Variants in PTPRK observed in about 807,000 individuals in gnomAD.
PTPRK encodes the protein protein tyrosine phosphatase receptor type K.
PTPRK carries 75 observed loss-of-function variants against 178.0 expected under a neutral mutation model. That is an observed-to-expected ratio of 0.42 (90% CI 0.35 to 0.51). The LOEUF is 0.51. Among genes scored for constraint, PTPRK ranks in the 20% least tolerant of loss-of-function variants. The probability of loss-of-function intolerance (pLI) is 0.02; values close to 1 mark genes in which losing one functional copy is unlikely to be tolerated. For missense variants in PTPRK, 1,441 were observed against 1,797.8 expected (o/e 0.80, Z 3.59); for synonymous variants, 637 against 620.6 (o/e 1.03, Z -0.39).
chr6:127,988,133 AT>A (rs1259327812), intron 21 of PTPRK, among the ~76,000 whole-genome samples: 3 of 151,606 alleles, frequency 2.0e-5, no homozygotes, highest in Non-Finnish European at 4.4e-5. Flanking sequence ...CTTATTTTGA[AT>A]TTTTTCATGT....
At chr6:128,429,787 T>C (rs1844589285) in intron 1 of PTPRK, among the ~76,000 whole-genome samples, 2 of 152,172 alleles carry the variant, frequency 1.3e-5, no homozygotes, top group African/African-American at 4.8e-5. Context: ...CAGTGAGGTG[T>C]GCATTATTAA....
intron 7 of PTPRK, among the ~76,000 whole-genome samples, chr6:128,100,730 C>T (rs1028736007): frequency 6.6e-6 from 1 of 151,636 alleles, no homozygotes; most frequent in Non-Finnish European, 1.5e-5. Context: ...TGATATATAC[C>T]TAAATAATTC....
At chr6:128,459,080 A>G (rs1412837327) in intron 1 of PTPRK, among the ~76,000 whole-genome samples, 1 of 152,184 alleles carries the variant, frequency 6.6e-6, no homozygotes, top group Non-Finnish European at 1.5e-5. Flanking sequence ...ATTGCAAAGG[A>G]AGAAAAAGAT....
At chr6:127,999,705 C>T (rs1417004230) in intron 15 of PTPRK, among the ~76,000 whole-genome samples, 3 of 152,004 alleles carry the variant, frequency 2.0e-5, no homozygotes, top group Admixed American at 2.0e-4. Context: ...CATGTCATTT[C>T]ACTTGCTCTA....
intron 1 of PTPRK, among the ~76,000 whole-genome samples, chr6:128,400,082 G>A (rs1421621944): frequency 6.6e-6 from 1 of 152,136 alleles, no homozygotes; most frequent in African/African-American, 2.4e-5. Context: ...TGGAGTAGAT[G>A]ATAGGAAATG....
intron 1 of PTPRK, among the ~76,000 whole-genome samples, chr6:128,419,353 C>T (rs1843193294): frequency 6.6e-6 from 1 of 152,206 alleles, no homozygotes; most frequent in South Asian, 2.1e-4. Context: ...TGGCTCACGC[C>T]TGTAATCCCA....
At chr6:128,513,523 A>AAGAAAGAAAGAAAG in intron 1 of PTPRK, among the ~76,000 whole-genome samples, 1 of 151,504 alleles carries the variant, frequency 6.6e-6, no homozygotes, top group African/African-American at 2.4e-5. Flanking sequence ...GAAATAAAGA[A>AAGAAAGAAAGAAAG]AAAGAAAAAG....
intron 6 of PTPRK, among the ~76,000 whole-genome samples, chr6:128,191,043 G>T (rs548341795): frequency 2.0e-5 from 3 of 151,928 alleles, no homozygotes; most frequent in African/African-American, 7.3e-5. Flanking sequence ...CCATGCCTAT[G>T]CTTACAATAT....
In PTPRK at chr6:128,083,763, C is replaced by T; in HGVS notation, c.1527G>A (p.Leu509=). 1.2e-6 allele frequency: 2 copies of T among 1,606,680 alleles called. No homozygotes were observed. The highest frequency in any genetic ancestry group is 1.7e-6 in the Non-Finnish European group (2 of 1,175,892). ...QGTSFENKIF[L]NWKEPLDPNG... is the part of the protein sequence containing the mutation. The stretch of plus-strand genomic sequence containing the variant: ...TTGGATCCAAAGGTTCTTTCCAGTT[C>T]AAGAAGATCTTATTTTCAAAGGATG... The change falls in exon 9 of 30, where the codon TTG becomes TTA. Residue 509 remains leucine (L), a synonymous_variant. Coordinates refer to ENST00000368226, the MANE Select transcript of PTPRK (RefSeq NM_002844.4).
At chr6:128,476,257 A>G (rs992316119) in intron 1 of PTPRK, among the ~76,000 whole-genome samples, 9 of 151,706 alleles carry the variant, frequency 5.9e-5, no homozygotes, top group African/African-American at 2.2e-4. Context: ...GGACACACAT[A>G]CACACACACA....
At chr6:128,209,295 G>C (rs749846817) in intron 6 of PTPRK, among the ~76,000 whole-genome samples, 4 of 152,178 alleles carry the variant, frequency 2.6e-5, no homozygotes, top group Non-Finnish European at 4.4e-5. Context: ...CACTCAAATT[G>C]TTCCACAGTA....
At chr6:128,502,467 C>T (rs1045477886) in intron 1 of PTPRK, among the ~76,000 whole-genome samples, 4 of 152,162 alleles carry the variant, frequency 2.6e-5, no homozygotes, top group African/African-American at 9.7e-5. Flanking sequence ...GGTTTTCTTA[C>T]ACTAAACTGT....
chr6:127,984,894 A>C (rs1341814695), intron 22 of PTPRK, among the ~76,000 whole-genome samples: 1 of 152,108 alleles, frequency 6.6e-6, no homozygotes, highest in Non-Finnish European at 1.5e-5. Context: ...ATCCTATGGG[A>C]CGTTTTACCT....
chr6:128,361,979 T>C (rs1000706973), intron 2 of PTPRK, among the ~76,000 whole-genome samples: 2 of 152,190 alleles, frequency 1.3e-5, no homozygotes, highest in African/African-American at 4.8e-5. Context: ...TTTGCACTAA[T>C]ATAAATTTAT....
At chr6:128,274,956 T>C (rs1332356103) in intron 3 of PTPRK, among the ~76,000 whole-genome samples, 1 of 152,012 alleles carries the variant, frequency 6.6e-6, no homozygotes, top group African/African-American at 2.4e-5. Context: ...CACCTTATAA[T>C]AATATAATTC....
chr6:128,155,912 T>C (rs1187048823), intron 7 of PTPRK, among the ~76,000 whole-genome samples: 1 of 151,892 alleles, frequency 6.6e-6, no homozygotes, highest in Non-Finnish European at 1.5e-5. Context: ...GCAAGATCAG[T>C]AATAAAAATA....
intron 7 of PTPRK, among the ~76,000 whole-genome samples, chr6:128,128,109 C>T (rs1198990301): frequency 6.6e-6 from 1 of 152,140 alleles, no homozygotes. Context: ...TCAAAATACT[C>T]TTTCACTTAC....
intron 1 of PTPRK, among the ~76,000 whole-genome samples, chr6:128,432,302 C>T (rs1035822125): frequency 1.3e-5 from 2 of 152,196 alleles, no homozygotes; most frequent in Non-Finnish European, 2.9e-5. Context: ...ACAATTAAAT[C>T]TTTTAGGAAT....
intron 6 of PTPRK, among the ~76,000 whole-genome samples, chr6:128,194,067 TTATTATTA>T (rs1386802671): frequency 1.9e-4 from 13 of 68,860 alleles, no homozygotes; most frequent in Middle Eastern, 7.4e-3. Context: ...TATATATATA[TTATTATTA>T]TTATTATTAT....
Sources: allele counts gnomAD v4.1 joint callset (sites outside exome capture counted in the v4.1 genomes callset), GRCh38; gene constraint gnomAD v4.1.1; transcripts MANE v1.5; gene names NCBI Gene and HGNC (gene_info 2026-07-23, HGNC 2026-07-21).